The following CTDSP2 variants were observed in gnomAD, a reference collection of about 807,000 sequenced individuals.
CTDSP2 encodes the protein CTD small phosphatase 2.
Under a neutral mutation model 31.6 loss-of-function variants are expected in CTDSP2, and 9 were observed. The observed-to-expected ratio is 0.28, with a 90% CI of 0.17 to 0.50. The LOEUF is 0.50. CTDSP2 is among the 20% of genes least tolerant of loss of function. The pLI is 0.98. For missense variants in CTDSP2, 267 were observed against 348.5 expected, an observed-to-expected ratio of 0.77 and a Z score of 1.86; for synonymous variants, 134 against 134.5, an observed-to-expected ratio of 1.00 and a Z score of 0.03.
intron 1 of CTDSP2, among the ~76,000 whole-genome samples, chr12:57,836,287 C>G (rs1327739785): frequency 6.6e-6 from 1 of 152,210 alleles, no homozygotes; most frequent in African/African-American, 2.4e-5. Flanking sequence ...AAGACTGTTT[C>G]ACTTGAGACA....
rs1956149730 is a variant in CTDSP2, at chr12:57,822,047, T to C, written c.*1555A>G. The C allele has an allele frequency of 6.6e-6, 1 of 152,080 alleles. No individual in the cohort carries two copies. The highest frequency in any genetic ancestry group is 2.1e-4 in the South Asian group (1 of 4,822). The allele number at this position is 152,080 out of a possible 1,614,324, so 9.4% of individuals were successfully genotyped here. On this transcript the variant is annotated 3_prime_UTR_variant, in exon 8 of 8. Transcript: ENST00000398073. ...GCACCTAAAGCAATTCACAAATGCTTTGTGATACCTGCCTCCAGGGAACAC... is the reference window on the plus strand; with the variant it reads ...GCACCTAAAGCAATTCACAAATGCTCTGTGATACCTGCCTCCAGGGAACAC...
At chr12:57,830,852 G>A (rs1194237978) in intron 1 of CTDSP2, among the ~76,000 whole-genome samples, 9 of 152,054 alleles carry the variant, frequency 5.9e-5, no homozygotes, top group African/African-American at 1.9e-4. Flanking sequence ...GGGTTCAAGC[G>A]ATTCTCCTGC....
chr12:57,823,556 G>C lies in CTDSP2; in HGVS notation c.*46C>G. On this transcript the variant is annotated 3_prime_UTR_variant, in exon 8 of 8. Coordinates refer to ENST00000398073, the MANE Select transcript of CTDSP2 (RefSeq NM_005730.4). ...CACGCTGATCGTAAAGGCACAGTGT[G>C]GGAAAGTCCCCTACTGGGATGGCCG... The C allele has an allele frequency of 6.2e-7, 1 of 1,607,198 alleles. No homozygotes were observed. Among genetic ancestry groups the C allele is most frequent in the Non-Finnish European group, 8.5e-7 (1 of 1,177,690 alleles).
chr12:57,842,156 G>A (rs1956286131), intron 1 of CTDSP2: 1 of 152,110 alleles, frequency 6.6e-6, no homozygotes, highest in Admixed American at 6.5e-5. Flanking sequence ...AATTGGAAGG[G>A]AAGCTATGTA....
intron 1 of CTDSP2, among the ~76,000 whole-genome samples, chr12:57,841,438 T>C (rs139299271): frequency 4.6e-5 from 7 of 152,368 alleles, no homozygotes; most frequent in African/African-American, 7.2e-5. Context: ...CATACAGTTG[T>C]CCTGAATATT....
chr12:57,839,490 G>A (rs960622993), intron 1 of CTDSP2, among the ~76,000 whole-genome samples: 3 of 152,136 alleles, frequency 2.0e-5, no homozygotes, highest in Non-Finnish European at 2.9e-5. Flanking sequence ...AGGCCAAGGC[G>A]GGCGGATCAT....
intron 1 of CTDSP2, among the ~76,000 whole-genome samples, chr12:57,834,174 T>G (rs1281746186): frequency 6.6e-6 from 1 of 152,124 alleles, no homozygotes; most frequent in Non-Finnish European, 1.5e-5. Context: ...AAACTTTTTT[T>G]TTTTCTAAGA....
intron 1 of CTDSP2, among the ~76,000 whole-genome samples, chr12:57,835,811 G>T (rs899586607): frequency 1.3e-5 from 2 of 152,170 alleles, no homozygotes; most frequent in African/African-American, 4.8e-5. Flanking sequence ...GGGATGTGAG[G>T]AGTATGCCCC....
Position 57,821,004 on chromosome 12 carries a change from T to C in CTDSP2, c.*2598A>G, listed in dbSNP as rs1956141606. On this transcript the variant is annotated 3_prime_UTR_variant, in exon 8 of 8. Coordinates refer to ENST00000398073, the MANE Select transcript of CTDSP2 (RefSeq NM_005730.4). ...ACCAGTCTCAAGTGGGAGGGGCTGA[T>C]GGTGGGAAGCCCTAGAAGAGAGTCT... 1 of 152,194 alleles carries C rather than the reference T, an allele frequency of 6.6e-6. No homozygotes were observed. Among genetic ancestry groups the C allele is most frequent in the Non-Finnish European group, 1.5e-5 (1 of 68,042 alleles). The allele number at this position is 152,194 out of a possible 1,614,324, so 9.4% of individuals were successfully genotyped here.
At chr12:57,826,888 C>T in intron 4 of CTDSP2, 108 bp downstream of exon 4, 1 of 888,720 alleles carries the variant, frequency 1.1e-6, no homozygotes, top group Non-Finnish European at 1.8e-6. Flanking sequence ...GGCCTTTTCC[C>T]TTCTAATCAC....
chr12:57,823,422 C>G lies in CTDSP2; in HGVS notation c.*180G>C. 1 of 645,652 alleles carries G rather than the reference C, an allele frequency of 1.5e-6. No individual in the cohort carries two copies. Among genetic ancestry groups the G allele is most frequent in the Non-Finnish European group, 2.7e-6 (1 of 376,766 alleles). The allele number at this position is 645,652 out of a possible 1,614,324, so 40.0% of individuals were successfully genotyped here. A position where few individuals can be genotyped will look rare whatever the true frequency, so the allele number is the denominator to read the frequency against. On this transcript the variant is annotated 3_prime_UTR_variant, in exon 8 of 8. Transcript: ENST00000398073. ...GTTGGCGGCAGGTAGCTCTGGGTAT[C>G]ATTGGTCTGGCATTCGCCCACTCGG... is the stretch of plus-strand genomic sequence containing the variant.
rs1956138765 is a variant in CTDSP2, at chr12:57,820,601, C to G, written c.*3001G>C. On this transcript the variant is annotated 3_prime_UTR_variant, in exon 8 of 8. Transcript: ENST00000398073. ...CAAAGCAGCGTCTGGGCCACTGTTA[C>G]CAGAGGTGAGTTTATACATTTACAA... The G allele has an allele frequency of 6.6e-6, 1 of 152,564 alleles. No individual in the cohort carries two copies. The highest frequency in any genetic ancestry group is 2.1e-4 in the South Asian group (1 of 4,826). The allele number at this position is 152,564 out of a possible 1,614,324, so 9.5% of individuals were successfully genotyped here. A position where few individuals can be genotyped will look rare whatever the true frequency, so the allele number is the denominator to read the frequency against.
intron 5 of CTDSP2, 115 bp from the exon 6 acceptor site, chr12:57,824,434 T>C: frequency 1.2e-6 from 1 of 802,818 alleles, no homozygotes; most frequent in South Asian, 1.4e-5. Context: ...CAGCCCAGCC[T>C]CCTGGGCTAC....
intron 1 of CTDSP2, among the ~76,000 whole-genome samples, chr12:57,830,587 A>ATGGGGAG (rs1312653530): frequency 6.6e-6 from 1 of 152,086 alleles, no homozygotes; most frequent in African/African-American, 2.4e-5. Flanking sequence ...CCCCTCAAGG[A>ATGGGGAG]TGGGGAGCCT....
intron 2 of CTDSP2, among the ~76,000 whole-genome samples, chr12:57,829,227 G>C (rs947277119): frequency 6.6e-6 from 1 of 152,142 alleles, no homozygotes; most frequent in Non-Finnish European, 1.5e-5. Flanking sequence ...GGATCACAGG[G>C]GCCCTCAGAA....
chr12:57,823,581 G>C lies in CTDSP2; in HGVS notation c.*21C>G. ...GGGAAAGTCCCCTACTGGGATGGCC[G>C]TCGCTTGGAAGCAGGGCAGGCTAAG... On this transcript the variant is annotated 3_prime_UTR_variant, in exon 8 of 8. Transcript: ENST00000398073. The C allele has an allele frequency of 6.2e-7, 1 of 1,612,632 alleles. No homozygotes were observed. The highest frequency in any genetic ancestry group is 8.5e-7 in the Non-Finnish European group (1 of 1,179,674).
At chr12:57,838,492 T>G (rs1003170298) in intron 1 of CTDSP2, among the ~76,000 whole-genome samples, 3 of 152,154 alleles carry the variant, frequency 2.0e-5, no homozygotes, top group Non-Finnish European at 4.4e-5. Context: ...AACCTCTCAG[T>G]GAGTGTTTCA....
At chr12:57,831,124 A>T (rs1411905803) in intron 1 of CTDSP2, among the ~76,000 whole-genome samples, 8 of 144,608 alleles carry the variant, frequency 5.5e-5, no homozygotes, top group Middle Eastern at 3.7e-3. Flanking sequence ...AAAAAAAAAA[A>T]TTATGAGCAT....
intron 5 of CTDSP2, among the ~76,000 whole-genome samples, chr12:57,826,107 G>GA (rs986653503): frequency 5.2e-4 from 79 of 152,342 alleles, no homozygotes; most frequent in African/African-American, 1.8e-3. Flanking sequence ...CTTTTAAACA[G>GA]CTTGGTTGCA....
Sources: gnomAD v4.1 joint callset for allele counts (sites outside exome capture counted in the v4.1 genomes callset) on GRCh38, gnomAD v4.1.1 for gene constraint, MANE v1.5 for transcripts, NCBI Gene and HGNC (gene_info 2026-07-23, HGNC 2026-07-21) for gene names.